NIFK: variants seen among roughly 807,000 people sequenced by gnomAD.
The protein encoded by NIFK is nucleolar protein interacting with the FHA domain of MKI67, also known as MKI67 FHA domain-interacting nucleolar phosphoprotein.
In NIFK, 16 loss-of-function variants were observed where a neutral mutation model predicts 31.7. The ratio of observed to expected loss-of-function variants is 0.50; its 90% CI spans 0.34 to 0.77. The LOEUF is 0.77. Among genes scored for constraint, NIFK ranks in the 30% least tolerant of loss-of-function variants. NIFK has a pLI of 0.01. For missense variants in NIFK, 341 were observed against 350.4 expected, an observed-to-expected ratio of 0.97 and a Z score of 0.21; for synonymous variants, 126 against 123.0, an observed-to-expected ratio of 1.02 and a Z score of -0.16.
At chr2:121,735,386 T>C (rs2074571663) in intron 2 of NIFK, among the ~76,000 whole-genome samples, 1 of 152,224 alleles carries the variant, frequency 6.6e-6, no homozygotes. Flanking sequence ...AAAGCTCATT[T>C]ACCAGGACTG....
chr2:121,728,504 A>C lies in NIFK; in HGVS notation c.597T>G (p.Thr199=). 1.3e-6 allele frequency: 2 copies of C among 1,585,882 alleles called. No individual in the cohort carries two copies. The highest frequency in any genetic ancestry group is 8.6e-7 in the Non-Finnish European group (1 of 1,169,204). The change falls in exon 5 of 7, where the codon ACT becomes ACG. Residue 199 remains threonine, a synonymous_variant. Transcript: ENST00000285814. Reference sequence around the variant, plus strand: ...GGCCTTTTGTAGACGTCTGACGATTAGTTTTTGAAATACTTTCCGTTTTCT... The same window carrying C: ...GGCCTTTTGTAGACGTCTGACGATTCGTTTTTGAAATACTTTCCGTTTTCT... ...ILQKTESISK[T]NRQTSTKGQV... is the part of the protein sequence containing the mutation.
Position 121,727,234 on chromosome 2 carries a change from C to A in NIFK, c.*490G>T. ...ATCTGAACACATAAACAAATCTGTG[C>A]TAAAACTGGAACTGCCTTCTCACTC... On this transcript the variant is annotated 3_prime_UTR_variant, in exon 7 of 7. Coordinates refer to ENST00000285814, the MANE Select transcript of NIFK (RefSeq NM_032390.5). The A allele has an allele frequency of 3.1e-6, 1 of 324,316 alleles. No individual in the cohort carries two copies. Among genetic ancestry groups the A allele is most frequent in the Non-Finnish European group, 6.4e-6 (1 of 155,234 alleles). 20.1% of individuals were successfully genotyped at this position (324,316 alleles called of 1,614,324 possible).
At position 121,727,001 on chromosome 2, in the gene NIFK, A is replaced by G. The variant is rs1408794419; in HGVS notation, c.*723T>C. ...TCGTTAATGAAGGGGAAAATTTATT[A>G]TTTTTTTTTCCCAATGACTCCCAAG... On this transcript the variant is annotated 3_prime_UTR_variant, in exon 7 of 7. Coordinates refer to ENST00000285814, the MANE Select transcript of NIFK (RefSeq NM_032390.5). 6.3e-6 allele frequency: 1 copy of G among 157,588 alleles called. No individual in the cohort carries two copies. The highest frequency in any genetic ancestry group is 2.4e-5 in the African/African-American group (1 of 41,196). The allele number at this position is 157,588 out of a possible 1,614,324, so 9.8% of individuals were successfully genotyped here.
intron 2 of NIFK, among the ~76,000 whole-genome samples, chr2:121,733,748 CACAAA>C (rs1046530238): frequency 3.3e-5 from 5 of 152,040 alleles, no homozygotes; most frequent in Admixed American, 6.6e-5. Flanking sequence ...CAGCGCATCA[CACAAA>C]ACAAGTTTAA....
At chr2:121,728,152 T>G in intron 6 of NIFK, 136 bp downstream of exon 6, 1 of 725,226 alleles carries the variant, frequency 1.4e-6, no homozygotes, top group Non-Finnish European at 2.2e-6. Context: ...AGAAAATTGC[T>G]AAATCAACAA....
chr2:121,728,089 T>C, intron 6 of NIFK, 177 bp from the exon 7 acceptor site: 2 of 722,858 alleles, frequency 2.8e-6, no homozygotes, highest in Non-Finnish European at 4.4e-6. Context: ...TCAAACTTGG[T>C]ACAGAAATTC....
chr2:121,735,797 C>G (rs754734268), intron 1 of NIFK, 47 bp from the exon 2 acceptor site: 11 of 1,518,146 alleles, frequency 7.2e-6, no homozygotes, highest in Non-Finnish European at 9.9e-6. Context: ...ATAAGAAAAT[C>G]ACATTGTAAC....
chr2:121,732,977 G>T (rs546006016), intron 2 of NIFK, among the ~76,000 whole-genome samples: 1 of 151,962 alleles, frequency 6.6e-6, no homozygotes, highest in Non-Finnish European at 1.5e-5. Flanking sequence ...AGCTACTCAG[G>T]AGGCTGAGCC....
intron 2 of NIFK, among the ~76,000 whole-genome samples, chr2:121,734,019 C>T (rs908812814): frequency 3.9e-5 from 6 of 152,090 alleles, no homozygotes; most frequent in South Asian, 2.1e-4. Flanking sequence ...CACAGTGGCT[C>T]GCTCATGCTT....
intron 3 of NIFK, among the ~76,000 whole-genome samples, chr2:121,731,842 T>G (rs527832058): frequency 6.6e-6 from 1 of 152,324 alleles, no homozygotes; most frequent in Non-Finnish European, 1.5e-5. Flanking sequence ...AAGGATGGGT[T>G]AGCTGCTCCT....
rs774425167 is a variant in NIFK, at chr2:121,730,882, C to T, written c.564+11G>A. Reference sequence around the variant, plus strand: ...ACAACAAACCACAAAAAAGATTTCACGAATATTTACCAAAGAAGGAAAATC... The same window carrying T: ...ACAACAAACCACAAAAAAGATTTCATGAATATTTACCAAAGAAGGAAAATC... On this transcript the variant is annotated intron_variant, in intron 4 of 6. Coordinates refer to ENST00000285814, the MANE Select transcript of NIFK (RefSeq NM_032390.5). The T allele has an allele frequency of 8.8e-6, 14 of 1,587,756 alleles. No individual in the cohort carries two copies. Among genetic ancestry groups the T allele is most frequent in the African/African-American group, 2.7e-5 (2 of 74,346 alleles).
chr2:121,732,898 T>C (rs534282295), intron 2 of NIFK, among the ~76,000 whole-genome samples: 1 of 152,014 alleles, frequency 6.6e-6, no homozygotes, highest in South Asian at 2.1e-4. Flanking sequence ...CTGGCCAACA[T>C]GGTGAAACCC....
At chr2:121,735,854 AC>A in intron 1 of NIFK, 104 bp from the exon 2 acceptor site, 1 of 881,194 alleles carries the variant, frequency 1.1e-6, no homozygotes, top group Non-Finnish European at 1.7e-6. Flanking sequence ...ATTTCCACTT[AC>A]CACAGTAGTA....
chr2:121,731,916 T>G (rs989425868), intron 3 of NIFK, among the ~76,000 whole-genome samples, 180 bp downstream of exon 3: 1 of 152,166 alleles, frequency 6.6e-6, no homozygotes, highest in African/African-American at 2.4e-5. Context: ...TCAGGCTAGA[T>G]TTTAAAATTC....
chr2:121,729,458 T>C (rs2074520848), intron 4 of NIFK, among the ~76,000 whole-genome samples: 2 of 151,268 alleles, frequency 1.3e-5, no homozygotes, highest in African/African-American at 2.4e-5. Flanking sequence ...ATAAAAGACA[T>C]AGCTCTCCTC....
Position 121,736,843 on chromosome 2 carries a change from G to A in NIFK, c.8C>T (p.Thr3Ile). ...GATTGGCCCAGCCGGGCCAGAAAAA[G>A]TCGCCATGCCAAAAGCCGCCGACGC... is the stretch of plus-strand genomic sequence containing the variant. MA[T>I]FSGPAGPILS... The change falls in exon 1 of 7, where the codon ACT (threonine) becomes ATT (isoleucine). Residue 3 changes from threonine (T) to isoleucine (I), a missense_variant. Physicochemically the swap from Thr to Ile is moderately conservative, Grantham distance 89. Coordinates refer to ENST00000285814, the MANE Select transcript of NIFK (RefSeq NM_032390.5). The A allele has an allele frequency of 6.2e-7, 1 of 1,613,996 alleles. No homozygotes were observed. The highest frequency in any genetic ancestry group is 1.1e-5 in the South Asian group (1 of 91,084).
Position 121,736,842 on chromosome 2 carries a change from A to T in NIFK, c.9T>A (p.Thr3=), listed in dbSNP as rs1036648029. 6 of 1,613,846 alleles carry T rather than the reference A, an allele frequency of 3.7e-6. No homozygotes were observed. Among genetic ancestry groups the T allele is most frequent in the South Asian group, 1.1e-5 (1 of 91,092 alleles). MA[T]FSGPAGPILS... is the part of the protein sequence containing the mutation. The stretch of plus-strand genomic sequence containing the variant: ...GGATTGGCCCAGCCGGGCCAGAAAA[A>T]GTCGCCATGCCAAAAGCCGCCGACG... Residue 3 remains threonine (T), a synonymous_variant, in exon 1 of 7, where the codon ACT becomes ACA. Coordinates refer to ENST00000285814, the MANE Select transcript of NIFK (RefSeq NM_032390.5).
intron 2 of NIFK, among the ~76,000 whole-genome samples, chr2:121,733,686 A>T (rs977054841): frequency 6.6e-6 from 1 of 151,618 alleles, no homozygotes; most frequent in African/African-American, 2.4e-5. Flanking sequence ...GTCGCAAACA[A>T]AACAAAACCA....
Position 121,727,332 on chromosome 2 carries a change from C to A in NIFK, c.*392G>T. On this transcript the variant is annotated 3_prime_UTR_variant, in exon 7 of 7. Coordinates refer to ENST00000285814, the MANE Select transcript of NIFK (RefSeq NM_032390.5). The stretch of plus-strand genomic sequence containing the variant: ...AAGCACCTCCATGAGTTAAATGTCC[C>A]CGACAAACCATGTAGATGGACAAAC... The A allele has an allele frequency of 2.2e-6, 1 of 462,364 alleles. No individual in the cohort carries two copies. The highest frequency in any genetic ancestry group is 4.5e-6 in the Non-Finnish European group (1 of 224,312). 28.6% of individuals were successfully genotyped at this position (462,364 alleles called of 1,614,324 possible).
Sources: gnomAD v4.1 joint callset for allele counts (sites outside exome capture counted in the v4.1 genomes callset) on GRCh38, gnomAD v4.1.1 for gene constraint, MANE v1.5 for transcripts, NCBI Gene and HGNC (gene_info 2026-07-23, HGNC 2026-07-21) for gene names.